Variants in ELAPOR1 observed in about 807,000 individuals in gnomAD.
ELAPOR1 encodes the protein endosome-lysosome associated apoptosis and autophagy regulator 1, also known as endosome/lysosome-associated apoptosis and autophagy regulator 1.
ELAPOR1 carries 77 observed loss-of-function variants against 119.7 expected under a neutral mutation model. That is an observed-to-expected ratio of 0.64 (90% CI 0.54 to 0.78). ELAPOR1 has a LOEUF of 0.78. Ranked by LOEUF, ELAPOR1 falls within the 30% of genes least tolerant of loss-of-function variation. ELAPOR1 has a pLI of 0.00. For synonymous variants in ELAPOR1, 481 were observed against 487.2 expected, an observed-to-expected ratio of 0.99 and a Z score of 0.17; for missense variants, 1,115 against 1,270.4, an observed-to-expected ratio of 0.88 and a Z score of 1.86.
intron 1 of ELAPOR1, among the ~76,000 whole-genome samples, chr1:109,144,061 A>ATATATATATTTTTTTTTTTTTTTTTTT: frequency 2.2e-5 from 2 of 89,016 alleles, no homozygotes; most frequent in African/African-American, 4.8e-5. Context: ...ATATTTATAT[A>ATATATATATTTTTTTTTTTTTTTTTTT]TTTTTTTTTT....
chr1:109,152,986 C>T (rs1021637443), intron 1 of ELAPOR1, among the ~76,000 whole-genome samples: 1 of 149,996 alleles, frequency 6.7e-6, no homozygotes, highest in Non-Finnish European at 1.5e-5. Flanking sequence ...AAAAAAGGAC[C>T]ACGAAAAATG....
At chr1:109,154,899 T>A (rs1392225651) in intron 1 of ELAPOR1, among the ~76,000 whole-genome samples, 1 of 152,196 alleles carries the variant, frequency 6.6e-6, no homozygotes, top group East Asian at 1.9e-4. Flanking sequence ...GAGTTAGAGA[T>A]GTGTTACTGT....
intron 1 of ELAPOR1, among the ~76,000 whole-genome samples, chr1:109,147,491 G>T (rs932672279): frequency 6.6e-6 from 1 of 152,070 alleles, no homozygotes; most frequent in Non-Finnish European, 1.5e-5. Context: ...AACTTTTAGG[G>T]CAATGAAATT....
At chr1:109,163,396 T>C (rs1212346519) in intron 2 of ELAPOR1, among the ~76,000 whole-genome samples, 1 of 152,186 alleles carries the variant, frequency 6.6e-6, no homozygotes, top group Non-Finnish European at 1.5e-5. Context: ...ATACGTGTTT[T>C]ACTTTTTATT....
chr1:109,144,375 C>T lies in ELAPOR1; in HGVS notation c.154-17519C>T, dbSNP rs188564991. ...ACTAAAATTATATTTGAAGAAGTGA[C>T]GAGAGTAGATTGAAGAGTTCTGAAG... is the stretch of plus-strand genomic sequence containing the variant. On this transcript the variant is annotated intron_variant, in intron 1 of 21. Transcript: ENST00000369939. Among the ~76,000 whole-genome samples the T allele has an allele frequency of 2.1e-3, 312 of 151,884 alleles. 5 individuals are homozygous for T. Among genetic ancestry groups the T allele is most frequent in the Admixed American group, 7.8e-3 (119 of 15,252 alleles).
intron 1 of ELAPOR1, among the ~76,000 whole-genome samples, chr1:109,151,037 C>A (rs1650503675): frequency 6.6e-6 from 1 of 152,032 alleles, no homozygotes; most frequent in South Asian, 2.1e-4. Flanking sequence ...CGTATATGGG[C>A]AATGATCCAT....
rs1651464479 is a variant in ELAPOR1, at chr1:109,164,563, G to C, written c.339G>C (p.Glu113Asp). The C allele has an allele frequency of 6.2e-7, 1 of 1,614,206 alleles. No homozygotes were observed. Among genetic ancestry groups the C allele is most frequent in the Non-Finnish European group, 8.5e-7 (1 of 1,180,018 alleles). ...ACCAGTCATGTAAGCCATGCGCTGAGGGCCGCTACTCCCTCGGCACAGGCA... is the reference window on the plus strand; with the variant it reads ...ACCAGTCATGTAAGCCATGCGCTGACGGCCGCTACTCCCTCGGCACAGGCA... ...MKDQSCKPCA[E>D]GRYSLGTGIR... Residue 113 changes from glutamate to aspartate, a missense_variant, in exon 3 of 22, where the codon GAG (glutamate) becomes GAC (aspartate). Coordinates refer to ENST00000369939, the MANE Select transcript of ELAPOR1 (RefSeq NM_020775.5).
At chr1:109,200,365 G>T in intron 20 of ELAPOR1, 128 bp downstream of exon 20, 3 of 1,111,322 alleles carry the variant, frequency 2.7e-6, no homozygotes, top group Non-Finnish European at 3.9e-6. Context: ...CTTATCCAGT[G>T]CATGGTTTGG....
At chr1:109,125,818 T>A (rs1207733809) in intron 1 of ELAPOR1, among the ~76,000 whole-genome samples, 3 of 152,214 alleles carry the variant, frequency 2.0e-5, no homozygotes, top group Non-Finnish European at 4.4e-5. Flanking sequence ...ATGACACTAA[T>A]GAGCAATGGA....
chr1:109,165,054 G>A (rs997301994), intron 3 of ELAPOR1, among the ~76,000 whole-genome samples: 1 of 152,170 alleles, frequency 6.6e-6, no homozygotes, highest in East Asian at 1.9e-4. Context: ...ACTTTGAGAG[G>A]CTAATGTGGG....
At chr1:109,134,119 A>T (rs1649313849) in intron 1 of ELAPOR1, among the ~76,000 whole-genome samples, 1 of 152,190 alleles carries the variant, frequency 6.6e-6, no homozygotes, top group Admixed American at 6.5e-5. Context: ...TATTCCTTGT[A>T]GCAGAAGCCA....
chr1:109,156,018 A>G (rs905325445), intron 1 of ELAPOR1, among the ~76,000 whole-genome samples: 1 of 152,122 alleles, frequency 6.6e-6, no homozygotes, highest in African/African-American at 2.4e-5. Context: ...AGTGGTGCAC[A>G]CCTGTAGTCC....
rs183046988 is a variant in ELAPOR1, at chr1:109,137,467, G to A, written c.153+23131G>A. ...GATCTGCCCGCCTCGGCCGCCCAAA[G>A]TGCTGGGATTACAAATGTAAGCCAC... On this transcript the variant is annotated intron_variant, in intron 1 of 21. Transcript: ENST00000369939. Among the ~76,000 whole-genome samples the A allele has an allele frequency of 7.7e-3, 1,176 of 151,890 alleles. 20 individuals are homozygous for A. Among genetic ancestry groups the A allele is most frequent in the African/African-American group, 0.027 (1,121 of 41,366 alleles).
chr1:109,141,422 C>T (rs1286012255), intron 1 of ELAPOR1, among the ~76,000 whole-genome samples: 4 of 150,392 alleles, frequency 2.7e-5, no homozygotes, highest in South Asian at 2.1e-4. Context: ...CCACCACGCC[C>T]GGCTAATTTT....
At chr1:109,172,605 A>G (rs1651990378) in intron 5 of ELAPOR1, 37 bp downstream of exon 5, 1 of 1,519,146 alleles carries the variant, frequency 6.6e-7, no homozygotes, top group Non-Finnish European at 9.1e-7. Flanking sequence ...GAGATCCCAG[A>G]AAAGGGACCC....
At chr1:109,129,262 C>T (rs113301921) in intron 1 of ELAPOR1, among the ~76,000 whole-genome samples, 10 of 152,186 alleles carry the variant, frequency 6.6e-5, no homozygotes, top group African/African-American at 2.4e-4. Context: ...GTAATCCCAG[C>T]ACTTTGGGAG....
chr1:109,132,187 A>C (rs1186165583), intron 1 of ELAPOR1, among the ~76,000 whole-genome samples: 1 of 151,906 alleles, frequency 6.6e-6, no homozygotes, highest in Admixed American at 6.6e-5. Flanking sequence ...TTGCTCTGTC[A>C]CCCAGGCTAG....
At chr1:109,156,992 A>G (rs970509792) in intron 1 of ELAPOR1, among the ~76,000 whole-genome samples, 1 of 152,188 alleles carries the variant, frequency 6.6e-6, no homozygotes, top group Non-Finnish European at 1.5e-5. Flanking sequence ...CACAAACAAT[A>G]GATGTCTTTG....
chr1:109,183,196 T>C (rs191115371), intron 7 of ELAPOR1, among the ~76,000 whole-genome samples: 45 of 152,044 alleles, frequency 3.0e-4, no homozygotes, highest in Non-Finnish European at 5.2e-4. Flanking sequence ...CCCACTGCTT[T>C]AAAGAGAGAG....
Sources: allele counts gnomAD v4.1 joint callset (sites outside exome capture counted in the v4.1 genomes callset), GRCh38; gene constraint gnomAD v4.1.1; transcripts MANE v1.5; gene names NCBI Gene and HGNC (gene_info 2026-07-23, HGNC 2026-07-21).